Variants in PRR29 observed in about 807,000 individuals in gnomAD.
PRR29 encodes the protein proline-rich protein 29.
In PRR29, 20 loss-of-function variants were observed where a neutral mutation model predicts 25.1. The ratio of observed to expected loss-of-function variants is 0.80; its 90% CI spans 0.56 to 1.16. PRR29 has a LOEUF of 1.16. PRR29 is among the 50% of genes most tolerant of loss of function. The pLI, the probability that PRR29 is intolerant of heterozygous loss-of-function variation, is 0.00. For synonymous variants in PRR29, 108 were observed against 102.6 expected, an observed-to-expected ratio of 1.05 and a Z score of -0.32; for missense variants, 238 against 246.6, an observed-to-expected ratio of 0.97 and a Z score of 0.23.
chr17:64,000,819 A>T (rs1200537703), intron 3 of PRR29: 11 of 306,824 alleles, frequency 3.6e-5, no homozygotes, highest in South Asian at 1.1e-4. Context: ...TGCCCAGCTA[A>T]TTTTTTTTTT....
At chr17:64,000,857 G>T (rs770281915) in intron 3 of PRR29, 3 of 489,968 alleles carry the variant, frequency 6.1e-6, no homozygotes, top group African/African-American at 2.0e-5. Context: ...TAGTAGAGAC[G>T]GGGTTTCACC....
At position 64,004,156 on chromosome 17, in the gene PRR29, CATG is replaced by C. The variant is rs1349420417; in HGVS notation, c.*2399_*2401del. On this transcript the variant is annotated 3_prime_UTR_variant, in exon 6 of 6. Coordinates refer to ENST00000412177, the MANE Select transcript of PRR29 (RefSeq NM_001164257.2). ...CTGGACTGTGTGGTAGTTTTACAGA[CATG>C]ATGGTTTCCGGTGACCAGGTGTCTA... 1.1e-5 allele frequency: 6 copies of C among 568,460 alleles called. No homozygotes were observed. The highest frequency in any genetic ancestry group is 7.1e-5 in the South Asian group (3 of 42,470). 35.2% of individuals were successfully genotyped at this position (568,460 alleles called of 1,614,324 possible). A position where few individuals can be genotyped will look rare whatever the true frequency, so the allele number is the denominator to read the frequency against.
At chr17:64,001,573 T>C (rs934558400) in intron 5 of PRR29, 36 bp downstream of exon 5, 12 of 1,494,078 alleles carry the variant, frequency 8.0e-6, no homozygotes, top group Non-Finnish European at 1.1e-5. Flanking sequence ...GGCCCAGGCC[T>C]GGGAGTGAAT....
At chr17:63,999,779 A>G (rs1910469875) in intron 3 of PRR29, 1 of 144,912 alleles carries the variant, frequency 6.9e-6, no homozygotes, top group African/African-American at 2.5e-5. Context: ...GTGTACATGC[A>G]TATGTGTGTG....
At position 63,999,088 on chromosome 17, in the gene PRR29, G is replaced by A. The variant is rs1173523731; in HGVS notation, c.243+14G>A. Reference sequence around the variant, plus strand: ...CCCTGCCCTCAGGTGCGTGTGGGTGGGCCGCCGGGGTCGCTCACCTGTGGG... The same window carrying A: ...CCCTGCCCTCAGGTGCGTGTGGGTGAGCCGCCGGGGTCGCTCACCTGTGGG... On this transcript the variant is annotated intron_variant, in intron 3 of 5. Transcript: ENST00000412177. The A allele has an allele frequency of 1.3e-6, 2 of 1,531,612 alleles. No individual in the cohort carries two copies. The highest frequency in any genetic ancestry group is 1.4e-5 in the African/African-American group (1 of 73,052). The allele number at this position is 1,531,612 out of a possible 1,614,324, so 94.9% of individuals were successfully genotyped here.
Position 64,004,162 on chromosome 17 carries a change from G to A in PRR29, c.*2401G>A, listed in dbSNP as rs890950802. 15 of 564,460 alleles carry A rather than the reference G, an allele frequency of 2.7e-5. No homozygotes were observed. In the East Asian group the frequency reaches 2.9e-4, roughly 11 times the overall value. The allele number at this position is 564,460 out of a possible 1,614,324, so 35.0% of individuals were successfully genotyped here. On this transcript the variant is annotated 3_prime_UTR_variant, in exon 6 of 6. Coordinates refer to ENST00000412177, the MANE Select transcript of PRR29 (RefSeq NM_001164257.2). ...TGTGTGGTAGTTTTACAGACATGAT[G>A]GTTTCCGGTGACCAGGTGTCTACAA...
In PRR29 at chr17:64,003,631, G is replaced by T; in HGVS notation, c.*1870G>T. 1 of 1,605,530 alleles carries T rather than the reference G, an allele frequency of 6.2e-7. No individual in the cohort carries two copies. The highest frequency in any genetic ancestry group is 8.5e-7 in the Non-Finnish European group (1 of 1,174,576). On this transcript the variant is annotated 3_prime_UTR_variant, in exon 6 of 6. Transcript: ENST00000412177. ...CTTATCACTCCCAACTCCATCCACG[G>T]ATCCCCCCTCACCATAGATCTCCAA...
Position 64,001,137 on chromosome 17 carries a change from C to T in PRR29, c.297C>T (p.Asp99=), listed in dbSNP as rs947840171. Residue 99 remains aspartate, a synonymous_variant, in exon 4 of 6, where the codon GAC becomes GAT. Coordinates refer to ENST00000412177, the MANE Select transcript of PRR29 (RefSeq NM_001164257.2). ...CTGAGGAGGAGGAGGAGGAGATGGA[C>T]GTGCGGGAGAAAGGGCCTTTGGTGT... ...EEPEEEEEEM[D]VREKGPLVFH... 39 of 1,537,324 alleles carry T rather than the reference C, an allele frequency of 2.5e-5. No homozygotes were observed. Among genetic ancestry groups the T allele is most frequent in the Middle Eastern group, 1.7e-4 (1 of 6,012 alleles).
rs1910868540 is a variant in PRR29 at position 64,002,778 on chromosome 17, C to G, written c.*1017C>G. On this transcript the variant is annotated 3_prime_UTR_variant, in exon 6 of 6. Transcript: ENST00000412177. Reference sequence around the variant, plus strand: ...CCGGAAGGCCTGGGGCAGCCTCCTCCAAGCCGCTCGCACCCCGTAGGTGCC... The same window carrying G: ...CCGGAAGGCCTGGGGCAGCCTCCTCGAAGCCGCTCGCACCCCGTAGGTGCC... 1 of 1,612,614 alleles carries G rather than the reference C, an allele frequency of 6.2e-7. No homozygotes were observed. Among genetic ancestry groups the G allele is most frequent in the Non-Finnish European group, 8.5e-7 (1 of 1,179,924 alleles).
chr17:64,000,312 A>G (rs1471918721), intron 3 of PRR29, among the ~76,000 whole-genome samples: 3 of 152,096 alleles, frequency 2.0e-5, no homozygotes, highest in African/African-American at 7.2e-5. Context: ...AACACAACCC[A>G]TTCTTTTTTT....
At position 63,998,703 on chromosome 17, in the gene PRR29, C is replaced by A; in HGVS notation, c.61-4C>A. The A allele has an allele frequency of 6.6e-7, 1 of 1,519,382 alleles. No individual in the cohort carries two copies. Among genetic ancestry groups the A allele is most frequent in the Non-Finnish European group, 8.8e-7 (1 of 1,135,750 alleles). 94.1% of individuals were successfully genotyped at this position (1,519,382 alleles called of 1,614,324 possible). A position where few individuals can be genotyped will look rare whatever the true frequency, so the allele number is the denominator to read the frequency against. ...CACCTGGCTGACTCCGCGCACACCC[C>A]CAGCCCTGGGTCACCTTCCTGCAGC... On this transcript the variant is annotated splice_polypyrimidine_tract_variant and splice_region_variant and intron_variant, in intron 1 of 5. Coordinates refer to ENST00000412177, the MANE Select transcript of PRR29 (RefSeq NM_001164257.2).
In PRR29 at chr17:64,003,034, G is replaced by A. The variant is rs551797474; in HGVS notation, c.*1273G>A. 4.6e-5 allele frequency: 40 copies of A among 872,870 alleles called. No homozygotes were observed. The South Asian group carries it at 5.5e-4, about 12-fold the overall frequency. The allele number at this position is 872,870 out of a possible 1,614,324, so 54.1% of individuals were successfully genotyped here. A position where few individuals can be genotyped will look rare whatever the true frequency, so the allele number is the denominator to read the frequency against. On this transcript the variant is annotated 3_prime_UTR_variant, in exon 6 of 6. Transcript: ENST00000412177. ...CCCAGACCCCCAGACCCCGCCGCCC[G>A]CTCATGCATCCAGCAGTCACCCCAG...
chr17:63,998,828 C>G (rs1255618184), intron 2 of PRR29, 46 bp downstream of exon 2: 1 of 1,121,428 alleles, frequency 8.9e-7, no homozygotes. Context: ...ATCACCACCA[C>G]TCACCCTCTT....
intron 3 of PRR29, among the ~76,000 whole-genome samples, chr17:64,000,490 C>T (rs906588101): frequency 1.3e-5 from 2 of 151,906 alleles, no homozygotes; most frequent in African/African-American, 4.8e-5. Flanking sequence ...CCACCACACC[C>T]GGCTACTTTT....
At chr17:63,999,150 G>C (rs937648052) in intron 3 of PRR29, 76 bp downstream of exon 3, 35 of 1,146,538 alleles carry the variant, frequency 3.1e-5, no homozygotes, top group East Asian at 2.1e-4. Flanking sequence ...TCCTGTTCAG[G>C]GGGGAAAAGA....
intron 2 of PRR29, 35 bp downstream of exon 2, chr17:63,998,817 C>CCCCCCCCCCCCCCCCCCCCCCT: frequency 8.8e-7 from 1 of 1,141,152 alleles, no homozygotes; most frequent in Middle Eastern, 1.9e-4. Flanking sequence ...CCACCCCCAC[C>CCCCCCCCCCCCCCCCCCCCCCT]ATCACCACCA....
At position 64,003,648 on chromosome 17, in the gene PRR29, G is replaced by C. The variant is rs1231007348; in HGVS notation, c.*1887G>C. 1 of 1,612,460 alleles carries C rather than the reference G, an allele frequency of 6.2e-7. No homozygotes were observed. The highest frequency in any genetic ancestry group is 1.1e-5 in the South Asian group (1 of 90,830). Reference sequence around the variant, plus strand: ...CATCCACGGATCCCCCCTCACCATAGATCTCCAACATCTTCGGGGCTGAGT... The same window carrying C: ...CATCCACGGATCCCCCCTCACCATACATCTCCAACATCTTCGGGGCTGAGT... On this transcript the variant is annotated 3_prime_UTR_variant, in exon 6 of 6. Transcript: ENST00000412177.
Position 64,001,575 on chromosome 17 carries a change from G to C in PRR29, c.541+38G>C, listed in dbSNP as rs981533945. ...TGGTGGGCAGCGGGGCCCAGGCCTG[G>C]GAGTGAATCAGGAGGCCAGGAGGGC... On this transcript the variant is annotated intron_variant, in intron 5 of 5. Coordinates refer to ENST00000412177, the MANE Select transcript of PRR29 (RefSeq NM_001164257.2). 1.1e-5 allele frequency: 17 copies of C among 1,493,716 alleles called. No individual in the cohort carries two copies. In the South Asian group the frequency reaches 2.0e-4, roughly 17 times the overall value. 92.5% of individuals were successfully genotyped at this position (1,493,716 alleles called of 1,614,324 possible).
Position 63,998,797 on chromosome 17 carries a change from TCCCCC to T in PRR29, c.136+17_136+21del. The T allele has an allele frequency of 3.8e-6, 4 of 1,062,560 alleles. No homozygotes were observed. Among genetic ancestry groups the T allele is most frequent in the Admixed American group, 2.2e-5 (1 of 44,876 alleles). 65.8% of individuals were successfully genotyped at this position (1,062,560 alleles called of 1,614,324 possible). On this transcript the variant is annotated intron_variant, in intron 2 of 5. Transcript: ENST00000412177. ...CGTGAAGGAAGGTGAGACTCCCGGG[TCCCCC>T]CACCCCACCCCCACCATCACCACCA...
Sources: allele counts gnomAD v4.1 joint callset (sites outside exome capture counted in the v4.1 genomes callset), GRCh38; gene constraint gnomAD v4.1.1; transcripts MANE v1.5; gene names NCBI Gene and HGNC (gene_info 2026-07-23, HGNC 2026-07-21).